The following SPTAN1 variants were observed in gnomAD, a reference collection of about 807,000 sequenced individuals.
The protein encoded by SPTAN1 is spectrin alpha chain, non-erythrocytic 1.
SPTAN1 carries 61 observed loss-of-function variants against 331.3 expected under a neutral mutation model. The observed-to-expected ratio is 0.18, with a 90% CI of 0.15 to 0.23. The LOEUF (loss-of-function observed/expected upper bound fraction) is 0.23. Among genes scored for constraint, SPTAN1 ranks in the 10% least tolerant of loss-of-function variants. SPTAN1 has a pLI of 1.00. For missense variants in SPTAN1, 2,043 were observed against 3,147.9 expected, an observed-to-expected ratio of 0.65 and a Z score of 8.40; for synonymous variants, 1,153 against 1,173.9, an observed-to-expected ratio of 0.98 and a Z score of 0.36.
chr9:128,610,553 T>G (rs943201304), intron 37 of SPTAN1, among the ~76,000 whole-genome samples: 3 of 151,982 alleles, frequency 2.0e-5, no homozygotes, highest in Non-Finnish European at 4.4e-5. Context: ...CTACTGCCTT[T>G]TAGTTGTTTT....
intron 2 of SPTAN1, among the ~76,000 whole-genome samples, chr9:128,568,334 G>A (rs1850273910): frequency 6.6e-6 from 1 of 152,140 alleles, no homozygotes; most frequent in Non-Finnish European, 1.5e-5. Context: ...GGCCTCTAAA[G>A]CAAGTGAAAG....
chr9:128,562,206 G>A (rs1157921488), intron 1 of SPTAN1, among the ~76,000 whole-genome samples: 5 of 152,066 alleles, frequency 3.3e-5, no homozygotes, highest in Non-Finnish European at 7.4e-5. Context: ...AGGTTCAAGC[G>A]ATTCTTCTGC....
At chr9:128,561,620 A>G (rs4837278) in intron 1 of SPTAN1, among the ~76,000 whole-genome samples, 135,960 of 137,836 alleles carry the variant, frequency 0.99, 67,085 homozygotes, top group Middle Eastern at 1. Context: ...CCGAAATTGC[A>G]CCACTGCACT....
intron 51 of SPTAN1, chr9:128,628,193 C>T: frequency 1.5e-6 from 1 of 666,288 alleles, no homozygotes; most frequent in Non-Finnish European, 2.8e-6. Context: ...TCCAAGGGCT[C>T]ACTTTGGGTA....
At chr9:128,620,066 G>A (rs535438808) in intron 44 of SPTAN1, among the ~76,000 whole-genome samples, 1 of 152,190 alleles carries the variant, frequency 6.6e-6, no homozygotes, top group South Asian at 2.1e-4. Flanking sequence ...ACAGGCAAAG[G>A]CAGGAGCTGC....
At chr9:128,633,161 A>G (rs1162251588) in intron 56 of SPTAN1, 48 bp from the exon 57 acceptor site, 2 of 1,613,200 alleles carry the variant, frequency 1.2e-6, no homozygotes, top group Admixed American at 3.3e-5. Flanking sequence ...TCGGGTTTGA[A>G]GTGGGTGCAG....
rs766038302 is a variant in SPTAN1, at chr9:128,625,907, T to G, written c.6208T>G (p.Trp2070Gly). 1.2e-5 allele frequency: 19 copies of G among 1,613,828 alleles called. No individual in the cohort carries two copies. Among genetic ancestry groups the G allele is most frequent in the Admixed American group, 1.7e-5 (1 of 59,976 alleles). Reference protein sequence around the residue: ...EARHASLMKRWSQLLANSAAR... With the variant: ...EARHASLMKRGSQLLANSAAR... ...CCGGCACGCCTCCCTCATGAAGAGG[T>G]GGAGCCAGCTTCTGGCCAACTCAGC... The change falls in exon 48 of 57, where the codon TGG (tryptophan) becomes GGG (glycine). Residue 2070 changes from tryptophan to glycine, a missense_variant. Coordinates refer to ENST00000372739, the MANE Select transcript of SPTAN1 (RefSeq NM_001130438.3). This position sits in a 1 kb window ranked among gnomAD's most constrained non-coding sequence, Gnocchi z 4.1.
intron 37 of SPTAN1, 51 bp from the exon 38 acceptor site, chr9:128,611,663 G>T: frequency 6.2e-7 from 1 of 1,608,918 alleles, no homozygotes; most frequent in Non-Finnish European, 8.5e-7. Context: ...CCCCTGAAAA[G>T]ACATAACCTA....
Position 128,552,939 on chromosome 9 carries a change from G to C in SPTAN1, c.-4+243G>C, listed in dbSNP as rs1324870773. On this transcript the variant is annotated intron_variant, in intron 1 of 56. Transcript: ENST00000372739. This position sits in a 1 kb window ranked among gnomAD's most constrained non-coding sequence, Gnocchi z 4.6. ...GCGCCGCCGCTGGAATGTCACTGAC[G>C]GGGGGAGGGGGCGCGAGGCCGCCGG... is the stretch of plus-strand genomic sequence containing the variant. The C allele has an allele frequency of 6.6e-6, 1 of 152,296 alleles. No individual in the cohort carries two copies. Among genetic ancestry groups the C allele is most frequent in the East Asian group, 1.9e-4 (1 of 5,188 alleles). 9.4% of individuals were successfully genotyped at this position (152,296 alleles called of 1,614,324 possible).
At chr9:128,628,053 G>T (rs185728615) in intron 51 of SPTAN1, 111 bp downstream of exon 51, 1 of 1,342,832 alleles carries the variant, frequency 7.4e-7, no homozygotes, top group South Asian at 1.2e-5. Flanking sequence ...TGCCCAGGGC[G>T]GGCTGCACTT....
chr9:128,595,830 GT>G (rs1854200979), intron 24 of SPTAN1: 4 of 152,074 alleles, frequency 2.6e-5, no homozygotes, highest in Admixed American at 2.6e-4. Flanking sequence ...GGCTTCTTTT[GT>G]TTAGGTTTTC....
chr9:128,603,641 C>G (rs1467331526), intron 28 of SPTAN1, 51 bp downstream of exon 28: 6 of 1,599,504 alleles, frequency 3.8e-6, no homozygotes, highest in Non-Finnish European at 5.1e-6. Flanking sequence ...TCTCCACTAT[C>G]TTCCTTCCCT....
At chr9:128,607,824 T>C in intron 32 of SPTAN1, 28 bp from the exon 33 acceptor site, 1 of 1,613,618 alleles carries the variant, frequency 6.2e-7, no homozygotes, top group Non-Finnish European at 8.5e-7. Flanking sequence ...TGCTGCCAGT[T>C]ACCTAATCCC....
At chr9:128,593,679 T>C in intron 23 of SPTAN1, 1 of 205,036 alleles carries the variant, frequency 4.9e-6, no homozygotes, top group Non-Finnish European at 1.0e-5. Flanking sequence ...TTTAGAAATG[T>C]CCTACTAATA....
At position 128,627,609 on chromosome 9, in the gene SPTAN1, C is replaced by A; in HGVS notation, c.6689+111C>A. 1.8e-6 allele frequency: 2 copies of A among 1,127,156 alleles called. No individual in the cohort carries two copies. Among genetic ancestry groups the A allele is most frequent in the Non-Finnish European group, 2.6e-6 (2 of 763,696 alleles). 69.8% of individuals were successfully genotyped at this position (1,127,156 alleles called of 1,614,324 possible). A position where few individuals can be genotyped will look rare whatever the true frequency, so the allele number is the denominator to read the frequency against. ...GTGCTTTGTGTAAAACCAGAGGCAG[C>A]CTGGGAATAAAGCTGGGCTGGCAAC... On this transcript the variant is annotated intron_variant, in intron 50 of 56. Coordinates refer to ENST00000372739, the MANE Select transcript of SPTAN1 (RefSeq NM_001130438.3). This position sits in a 1 kb window ranked among gnomAD's most constrained non-coding sequence, Gnocchi z 4.9.
chr9:128,598,155 T>G (rs1483570609), intron 24 of SPTAN1, among the ~76,000 whole-genome samples: 2 of 150,024 alleles, frequency 1.3e-5, no homozygotes, highest in African/African-American at 4.9e-5. Context: ...TCCATGTTGG[T>G]TAGGTTGGTC....
intron 23 of SPTAN1, 162 bp downstream of exon 23, chr9:128,593,204 C>A: frequency 2.6e-6 from 2 of 759,602 alleles, no homozygotes; most frequent in Non-Finnish European, 4.6e-6. Flanking sequence ...GAAGAGGTCG[C>A]GGTGCAGCTG....
intron 40 of SPTAN1, among the ~76,000 whole-genome samples, chr9:128,614,997 A>C (rs1405285158): frequency 6.6e-6 from 1 of 152,214 alleles, no homozygotes; most frequent in African/African-American, 2.4e-5. Flanking sequence ...AAAACATTGC[A>C]GTTAATACCA....
At chr9:128,612,044 GA>G (rs1178489215) in intron 38 of SPTAN1, 64 bp from the exon 39 acceptor site, 20 of 1,613,258 alleles carry the variant, frequency 1.2e-5, no homozygotes, top group Non-Finnish European at 1.6e-5. Flanking sequence ...TTCTCAAATT[GA>G]GCTTTAGGAG....
Sources: gnomAD v4.1 joint callset for allele counts (sites outside exome capture counted in the v4.1 genomes callset) on GRCh38, gnomAD v4.1.1 for gene constraint, Gnocchi (gnomAD v3.1) non-coding constraint, MANE v1.5 for transcripts, NCBI Gene and HGNC (gene_info 2026-07-23, HGNC 2026-07-21) for gene names.